Variants in ECT2 observed in about 807,000 individuals in gnomAD.
The protein encoded by ECT2 is epithelial cell transforming 2, also known as protein ECT2.
Under a neutral mutation model 116.9 loss-of-function variants are expected in ECT2, and 61 were observed. The ratio of observed to expected loss-of-function variants is 0.52; its 90% confidence interval spans 0.42 to 0.65. The LOEUF (loss-of-function observed/expected upper bound fraction) is 0.65, where lower values mean the gene tolerates loss of function less well. Among genes scored for constraint, ECT2 ranks in the 30% least tolerant of loss-of-function variants. ECT2 has a pLI of 0.00. For synonymous variants in ECT2, 358 were observed against 346.4 expected, an observed-to-expected ratio of 1.03 and a Z score of -0.37; for missense variants, 937 against 1,078.7, an observed-to-expected ratio of 0.87 and a Z score of 1.84.
At chr3:172,814,746 T>C (rs965872481) in intron 22 of ECT2, among the ~76,000 whole-genome samples, 4 of 152,162 alleles carry the variant, frequency 2.6e-5, no homozygotes, top group Non-Finnish European at 4.4e-5. Flanking sequence ...TGTGTGTTGA[T>C]CAAATCAGGG....
intron 15 of ECT2, among the ~76,000 whole-genome samples, chr3:172,782,924 T>G (rs1453362357): frequency 6.6e-6 from 1 of 152,206 alleles, no homozygotes; most frequent in Non-Finnish European, 1.5e-5. Flanking sequence ...TGTACCACAT[T>G]TTCTTTATCA....
At chr3:172,788,380 TA>T (rs1289846350) in intron 18 of ECT2, among the ~76,000 whole-genome samples, 1 of 152,188 alleles carries the variant, frequency 6.6e-6, no homozygotes, top group African/African-American at 2.4e-5. Flanking sequence ...GCTTTTTTCT[TA>T]AACTACACAT....
intron 14 of ECT2, among the ~76,000 whole-genome samples, chr3:172,777,045 T>C (rs1353709032): frequency 6.6e-6 from 1 of 152,014 alleles, no homozygotes; most frequent in Non-Finnish European, 1.5e-5. Flanking sequence ...CTAATTTTTG[T>C]ATTTTTAGTG....
At chr3:172,815,803 T>TA in intron 23 of ECT2, 92 bp downstream of exon 23, 1 of 834,744 alleles carries the variant, frequency 1.2e-6, no homozygotes, top group South Asian at 1.7e-5. Flanking sequence ...AGTATAAAGA[T>TA]AGTTTATAAA....
At chr3:172,805,634 T>C in intron 20 of ECT2, 97 bp from the exon 21 acceptor site, 1 of 1,173,770 alleles carries the variant, frequency 8.5e-7, no homozygotes, top group Non-Finnish European at 1.2e-6. Flanking sequence ...AAATAAGTTA[T>C]ATATAGATTT....
intron 14 of ECT2, among the ~76,000 whole-genome samples, chr3:172,776,101 G>A (rs896175118): frequency 6.6e-6 from 1 of 151,452 alleles, no homozygotes; most frequent in African/African-American, 2.4e-5. Flanking sequence ...GTGAAGCTTT[G>A]AAAATTTGTC....
intron 22 of ECT2, among the ~76,000 whole-genome samples, chr3:172,812,051 C>A (rs1728858293): frequency 6.7e-6 from 1 of 150,018 alleles, no homozygotes; most frequent in Non-Finnish European, 1.5e-5. Context: ...GTGGCACAAT[C>A]TTGGCTCACT....
intron 6 of ECT2, among the ~76,000 whole-genome samples, chr3:172,759,347 A>G (rs1717752716): frequency 6.6e-6 from 1 of 152,136 alleles, no homozygotes; most frequent in Admixed American, 6.5e-5. Context: ...TTGGTTATTT[A>G]AAGTTTTTGT....
At chr3:172,757,344 A>G (rs2108414310) in intron 5 of ECT2, among the ~76,000 whole-genome samples, 179 bp downstream of exon 5, 1 of 152,308 alleles carries the variant, frequency 6.6e-6, no homozygotes, top group Admixed American at 6.5e-5. Flanking sequence ...CTTAGTGGTG[A>G]AAAGCTAAGG....
intron 24 of ECT2, chr3:172,818,421 G>A (rs1197242400): frequency 2.0e-6 from 1 of 493,830 alleles, no homozygotes. Flanking sequence ...GAATTTTATA[G>A]AAAATTTTAG....
chr3:172,771,840 ATCTT>A (rs1364091575), intron 13 of ECT2, among the ~76,000 whole-genome samples: 1 of 152,174 alleles, frequency 6.6e-6, no homozygotes, highest in Non-Finnish European at 1.5e-5. Flanking sequence ...GAAAAATAGA[ATCTT>A]TCATTGTGGT....
At chr3:172,801,514 T>A (rs1726718363) in intron 18 of ECT2, among the ~76,000 whole-genome samples, 1 of 152,224 alleles carries the variant, frequency 6.6e-6, no homozygotes, top group Non-Finnish European at 1.5e-5. Flanking sequence ...GATAGTTTTC[T>A]TACACGCATA....
chr3:172,822,678 G>T (rs1730738969), downstream of ECT2, among the ~76,000 whole-genome samples: 1 of 151,894 alleles, frequency 6.6e-6, no homozygotes, highest in Non-Finnish European at 1.5e-5. Flanking sequence ...GATAATATAA[G>T]AAAGAACTCA....
At chr3:172,806,651 GTTTTTTT>G (rs71162314) in intron 21 of ECT2, among the ~76,000 whole-genome samples, 5 of 77,546 alleles carry the variant, frequency 6.4e-5, no homozygotes, top group African/African-American at 2.5e-4. Flanking sequence ...TTTTTTGTGG[GTTTTTTT>G]TTTTTTTTTT....
At chr3:172,801,938 A>G (rs912079461) in intron 18 of ECT2, among the ~76,000 whole-genome samples, 2 of 152,336 alleles carry the variant, frequency 1.3e-5, no homozygotes. Flanking sequence ...TAAGACTTAC[A>G]TAAAACCTTA....
intron 5 of ECT2, among the ~76,000 whole-genome samples, chr3:172,758,456 C>T (rs572362698): frequency 1.6e-4 from 20 of 121,784 alleles, no homozygotes; most frequent in South Asian, 5.3e-4. Context: ...ATTTTTAAAC[C>T]GTTCTCTTTT....
intron 18 of ECT2, among the ~76,000 whole-genome samples, chr3:172,802,179 A>G (rs980049213): frequency 7.2e-5 from 11 of 151,976 alleles, no homozygotes; most frequent in African/African-American, 2.7e-4. Context: ...GAATGGTGTG[A>G]TCTTGACTCA....
intron 18 of ECT2, among the ~76,000 whole-genome samples, chr3:172,793,001 G>C (rs1287603853): frequency 2.6e-5 from 4 of 151,928 alleles, no homozygotes; most frequent in African/African-American, 9.7e-5. Context: ...ATTACAGGTG[G>C]AGCTACTGCA....
chr3:172,828,185 C>T, the ECT2 span, among the ~76,000 whole-genome samples: 2 of 152,140 alleles, frequency 1.3e-5, no homozygotes, highest in Non-Finnish European at 2.9e-5. Flanking sequence ...CACAAAATCC[C>T]TACAGAGAAG....
Sources: allele counts gnomAD v4.1 joint callset (sites outside exome capture counted in the v4.1 genomes callset), GRCh38; gene constraint gnomAD v4.1.1; transcripts MANE v1.5; gene names NCBI Gene and HGNC (gene_info 2026-07-23, HGNC 2026-07-21).